Variants in XKR9 observed in about 807,000 individuals in gnomAD.
XKR9 encodes the protein XK-related protein 9.
Under a neutral mutation model 32.0 loss-of-function variants are expected in XKR9, and 32 were observed. That is an observed-to-expected ratio of 1.00 (90% CI 0.76 to 1.34). XKR9 has a LOEUF of 1.34. XKR9 is among the 40% of genes most tolerant of loss of function. The pLI is 0.00. For synonymous variants in XKR9, 168 were observed against 143.4 expected, an observed-to-expected ratio of 1.17 and a Z score of -1.22; for missense variants, 546 against 429.7, an observed-to-expected ratio of 1.27 and a Z score of -2.39.
At chr8:70,833,524 G>A in the XKR9 span, among the ~76,000 whole-genome samples, 1 of 151,994 alleles carries the variant, frequency 6.6e-6, no homozygotes, top group African/African-American at 2.4e-5. Context: ...AAAAAAAAAT[G>A]TAAGAAATGT....
rs201792877 is a variant in XKR9 at position 70,693,082 on chromosome 8, AC to A, written c.272+11754del. Among the ~76,000 whole-genome samples, 575 of 152,216 alleles carry A rather than the reference AC, an allele frequency of 3.8e-3. 2 individuals are homozygous for A. Among genetic ancestry groups the A allele is most frequent in the Non-Finnish European group, 4.1e-3 (276 of 68,014 alleles). On this transcript the variant is annotated intron_variant, in intron 3 of 4. Coordinates refer to ENST00000408926, the MANE Select transcript of XKR9 (RefSeq NM_001011720.2). ...AATCAACCTTGCATCCCGGGGCGAA[AC>A]CTACTTGATCACGGTAGATTAGCTT... is the stretch of plus-strand genomic sequence containing the variant.
At chr8:70,683,009 C>G (rs550087595) in intron 3 of XKR9, among the ~76,000 whole-genome samples, 1 of 152,188 alleles carries the variant, frequency 6.6e-6, no homozygotes, top group Non-Finnish European at 1.5e-5. Flanking sequence ...CTCTTCTTGC[C>G]TAACAACAGC....
intron 2 of XKR9, among the ~76,000 whole-genome samples, chr8:70,754,557 C>T (rs551781690): frequency 9.8e-6 from 1 of 102,362 alleles, no homozygotes; most frequent in African/African-American, 3.3e-5. Context: ...GTACTGGTAC[C>T]AAAACAGATA....
chr8:71,062,640 C>G, the XKR9 span, among the ~76,000 whole-genome samples: 4 of 152,126 alleles, frequency 2.6e-5, no homozygotes, highest in East Asian at 7.7e-4. Flanking sequence ...GTTTTCCAAG[C>G]TTTCCCACAC....
At chr8:70,742,585 G>A (rs770904716) in intron 2 of XKR9, among the ~76,000 whole-genome samples, 6 of 152,098 alleles carry the variant, frequency 3.9e-5, no homozygotes, top group Non-Finnish European at 5.9e-5. Flanking sequence ...AGGTTTGTTA[G>A]TGATGATTTC....
At chr8:70,805,422 G>A in the XKR9 span, among the ~76,000 whole-genome samples, 1 of 152,290 alleles carries the variant, frequency 6.6e-6, no homozygotes, top group Admixed American at 6.5e-5. Flanking sequence ...CCACAGCTGT[G>A]GCTGCCTGCT....
the XKR9 span, among the ~76,000 whole-genome samples, chr8:71,057,354 T>A: frequency 6.6e-6 from 1 of 152,170 alleles, no homozygotes; most frequent in Non-Finnish European, 1.5e-5. Context: ...TCCTTCTGAG[T>A]GGAGTCTAAT....
chr8:70,956,259 G>A, the XKR9 span, among the ~76,000 whole-genome samples: 5 of 152,282 alleles, frequency 3.3e-5, no homozygotes, highest in East Asian at 9.7e-4. Context: ...AACAGAACAC[G>A]TCTTAGGAGA....
At chr8:70,860,876 T>A in the XKR9 span, among the ~76,000 whole-genome samples, 1 of 152,070 alleles carries the variant, frequency 6.6e-6, no homozygotes, top group Non-Finnish European at 1.5e-5. Context: ...TGGACCTAAG[T>A]AGCGTTACCT....
At position 70,734,969 on chromosome 8, in the gene XKR9, G is replaced by A. The variant is rs1276871768; in HGVS notation, c.*545G>A. ...AAAGAGAATTGGTGTGCATCTGAGA[G>A]GTCTGACATTTCATTATTTACTTAT... On this transcript the variant is annotated 3_prime_UTR_variant, in exon 5 of 5. Coordinates refer to ENST00000408926, the MANE Select transcript of XKR9 (RefSeq NM_001011720.2). The A allele has an allele frequency of 6.6e-6, 1 of 152,002 alleles. No individual in the cohort carries two copies. Among genetic ancestry groups the A allele is most frequent in the African/African-American group, 2.4e-5 (1 of 41,370 alleles). 9.4% of individuals were successfully genotyped at this position (152,002 alleles called of 1,614,324 possible).
chr8:70,818,371 T>G, the XKR9 span, among the ~76,000 whole-genome samples: 11 of 152,310 alleles, frequency 7.2e-5, no homozygotes, highest in South Asian at 2.1e-4. Flanking sequence ...GCAGCACTTA[T>G]CTTAGCTTAT....
At chr8:70,718,990 C>T (rs1806184893) in intron 4 of XKR9, among the ~76,000 whole-genome samples, 2 of 152,086 alleles carry the variant, frequency 1.3e-5, no homozygotes, top group Non-Finnish European at 2.9e-5. Context: ...TGTTTCTTGA[C>T]TTTTTAATGG....
Position 70,721,919 on chromosome 8 carries a change from T to C in XKR9, c.494-11877T>C, listed in dbSNP as rs534433983. 2.0e-5 allele frequency among the ~76,000 whole-genome samples: 3 copies of C among 152,256 alleles called. No homozygotes were observed. In the South Asian group the frequency reaches 6.2e-4, roughly 32 times the overall value. ...GGGGTATAAAGTCTCCCACTGTTAT[T>C]GTGTGGGAGTCTAAGTCTCTTTGTA... On this transcript the variant is annotated intron_variant, in intron 4 of 4. Coordinates refer to ENST00000408926, the MANE Select transcript of XKR9 (RefSeq NM_001011720.2).
the XKR9 span, among the ~76,000 whole-genome samples, chr8:70,904,552 G>T: frequency 6.6e-6 from 1 of 152,156 alleles, no homozygotes; most frequent in African/African-American, 2.4e-5. Context: ...ACAGCACACT[G>T]ATGGGTCTTG....
At chr8:70,682,485 A>G (rs1819113961) in intron 3 of XKR9, among the ~76,000 whole-genome samples, 1 of 152,200 alleles carries the variant, frequency 6.6e-6, no homozygotes, top group East Asian at 1.9e-4. Flanking sequence ...TATAAATTGT[A>G]TTATAAAAGA....
chr8:70,949,218 T>C, the XKR9 span, among the ~76,000 whole-genome samples: 1 of 152,206 alleles, frequency 6.6e-6, no homozygotes, highest in Non-Finnish European at 1.5e-5. Context: ...TGTATTTTCA[T>C]GCAAGTAGTA....
chr8:70,888,538 A>G, the XKR9 span, among the ~76,000 whole-genome samples: 2 of 151,854 alleles, frequency 1.3e-5, no homozygotes, highest in African/African-American at 4.8e-5. Context: ...ACAGACCCAG[A>G]CAAAAATATT....
chr8:70,729,046 A>C (rs1357021970), intron 4 of XKR9, among the ~76,000 whole-genome samples: 2 of 152,198 alleles, frequency 1.3e-5, no homozygotes, highest in African/African-American at 2.4e-5. Flanking sequence ...ACAGAGTATG[A>C]GGCCAGATTT....
the XKR9 span, among the ~76,000 whole-genome samples, chr8:70,812,008 A>G: frequency 6.3e-4 from 96 of 152,254 alleles, 1 homozygote; most frequent in East Asian, 3.9e-4. Flanking sequence ...TTTTAGACCA[A>G]TATCCTTGAT....
Sources: allele counts gnomAD v4.1 joint callset (sites outside exome capture counted in the v4.1 genomes callset), GRCh38; gene constraint gnomAD v4.1.1; transcripts MANE v1.5; gene names NCBI Gene and HGNC (gene_info 2026-07-23, HGNC 2026-07-21).